Variants in KALRN observed in about 807,000 individuals in gnomAD.
KALRN encodes the protein kalirin.
KALRN carries 70 observed loss-of-function variants against 353.7 expected under a neutral mutation model. The ratio of observed to expected loss-of-function variants is 0.20; its 90% CI spans 0.16 to 0.24. The LOEUF (loss-of-function observed/expected upper bound fraction) is 0.24, where lower values mean the gene tolerates loss of function less well. KALRN is among the 10% of genes least tolerant of loss of function. The pLI, the probability that KALRN is intolerant of heterozygous loss-of-function variation, is 1.00. For synonymous variants in KALRN, 1,391 were observed against 1,434.8 expected (o/e 0.97, Z 0.69); for missense variants, 2,791 against 3,756.7 (o/e 0.74, Z 6.72).
chr3:124,136,776 CAG>C (rs975481257), intron 1 of KALRN, among the ~76,000 whole-genome samples: 4 of 152,316 alleles, frequency 2.6e-5, no homozygotes, highest in Non-Finnish European at 5.9e-5. Flanking sequence ...ATTCCTAGTG[CAG>C]AGTGTGACCT....
intron 10 of KALRN, among the ~76,000 whole-genome samples, chr3:124,356,934 T>C (rs2083484369): frequency 6.6e-6 from 1 of 152,188 alleles, no homozygotes; most frequent in Non-Finnish European, 1.5e-5. Flanking sequence ...CTGGGTTCGA[T>C]ATTTATAAAC....
At chr3:124,134,747 C>A (rs866973731) in intron 1 of KALRN, among the ~76,000 whole-genome samples, 27 of 152,064 alleles carry the variant, frequency 1.8e-4, no homozygotes, top group Admixed American at 1.4e-3. Flanking sequence ...AAAGAAGATA[C>A]ACAAATGGCC....
At chr3:124,390,071 G>A (rs186960731) in intron 11 of KALRN, among the ~76,000 whole-genome samples, 2 of 152,258 alleles carry the variant, frequency 1.3e-5, no homozygotes. Context: ...GGGCCAAGAG[G>A]GCAGCCAGCT....
At chr3:124,616,829 G>C (rs2078655301) in intron 34 of KALRN, among the ~76,000 whole-genome samples, 1 of 152,018 alleles carries the variant, frequency 6.6e-6, no homozygotes, top group Non-Finnish European at 1.5e-5. Context: ...GCCGGACATG[G>C]TGGCCGGCGC....
chr3:124,391,585 G>A (rs1239664437), intron 11 of KALRN, among the ~76,000 whole-genome samples: 1 of 152,150 alleles, frequency 6.6e-6, no homozygotes. Flanking sequence ...CTAAATCGGA[G>A]GGACATACAT....
At chr3:124,505,911 C>T (rs1194591234) in intron 33 of KALRN, among the ~76,000 whole-genome samples, 1 of 152,114 alleles carries the variant, frequency 6.6e-6, no homozygotes, top group Non-Finnish European at 1.5e-5. Context: ...AAATTCTTGC[C>T]TGGGTTTCAC....
intron 51 of KALRN, among the ~76,000 whole-genome samples, chr3:124,689,533 C>T (rs2061715731): frequency 6.6e-6 from 1 of 152,128 alleles, no homozygotes; most frequent in African/African-American, 2.4e-5. Context: ...CCAGCTCTCT[C>T]CTCCTTCCCA....
intron 34 of KALRN, among the ~76,000 whole-genome samples, chr3:124,600,732 A>G (rs997697995): frequency 6.6e-6 from 1 of 152,130 alleles, no homozygotes. Context: ...AGCAATCTTT[A>G]TTATTCTGTT....
intron 34 of KALRN, among the ~76,000 whole-genome samples, chr3:124,624,629 G>A (rs894698883): frequency 1.3e-5 from 2 of 152,192 alleles, no homozygotes; most frequent in African/African-American, 4.8e-5. Context: ...AATCTCAACA[G>A]TTGTTCAATT....
At chr3:124,491,690 A>C in intron 31 of KALRN, 1 of 330,344 alleles carries the variant, frequency 3.0e-6, no homozygotes, top group Non-Finnish European at 5.5e-6. Context: ...CCAGCTCAGC[A>C]AGGCCCGCTT....
At chr3:124,243,123 A>G (rs563421560) in intron 3 of KALRN, among the ~76,000 whole-genome samples, 1 of 152,280 alleles carries the variant, frequency 6.6e-6, no homozygotes, top group South Asian at 2.1e-4. Context: ...GTCTGTTTCT[A>G]TATTGGCATT....
chr3:124,211,361 C>T (rs1218530268), intron 1 of KALRN, among the ~76,000 whole-genome samples: 1 of 152,144 alleles, frequency 6.6e-6, no homozygotes, highest in Non-Finnish European at 1.5e-5. Flanking sequence ...CAAGAGATAA[C>T]TTTATTGCTA....
chr3:124,453,274 C>T (rs1021855433), intron 21 of KALRN, among the ~76,000 whole-genome samples: 7 of 152,186 alleles, frequency 4.6e-5, no homozygotes, highest in African/African-American at 1.7e-4. Context: ...TTCCTTCACA[C>T]CAAAGCTCTT....
At chr3:124,529,855 A>G (rs1332245221) in intron 33 of KALRN, among the ~76,000 whole-genome samples, 3 of 152,016 alleles carry the variant, frequency 2.0e-5, no homozygotes, top group African/African-American at 7.2e-5. Context: ...AACAGGGCAC[A>G]TGTCAAATAA....
chr3:124,602,585 T>C (rs2076917099), intron 34 of KALRN, among the ~76,000 whole-genome samples: 1 of 152,140 alleles, frequency 6.6e-6, no homozygotes, highest in Non-Finnish European at 1.5e-5. Context: ...AACTACCAGC[T>C]CTTCTAAAGG....
intron 2 of KALRN, among the ~76,000 whole-genome samples, chr3:124,230,676 A>G (rs2079041913): frequency 6.6e-6 from 1 of 152,112 alleles, no homozygotes; most frequent in African/African-American, 2.4e-5. Flanking sequence ...GCGTAAGCCG[A>G]ACAGCCTGGG....
At chr3:124,554,787 G>T (rs1010443492) in intron 33 of KALRN, among the ~76,000 whole-genome samples, 2 of 152,190 alleles carry the variant, frequency 1.3e-5, no homozygotes, top group African/African-American at 4.8e-5. Context: ...GGAACTTGTT[G>T]ACTTAAAGTT....
chr3:124,637,421 G>T, intron 37 of KALRN, 118 bp downstream of exon 37: 2 of 766,882 alleles, frequency 2.6e-6, no homozygotes. Flanking sequence ...TGTGATTGCA[G>T]CTAATGATGG....
intron 1 of KALRN, among the ~76,000 whole-genome samples, chr3:124,118,748 A>G (rs2063696978): frequency 6.6e-6 from 1 of 152,214 alleles, no homozygotes; most frequent in African/African-American, 2.4e-5. Context: ...TTTATTATAT[A>G]CCAGATTTGT....
Sources: gnomAD v4.1 joint callset for allele counts (sites outside exome capture counted in the v4.1 genomes callset) on GRCh38, gnomAD v4.1.1 for gene constraint, MANE v1.5 for transcripts, NCBI Gene and HGNC (gene_info 2026-07-23, HGNC 2026-07-21) for gene names.